GABRG1: variants seen among roughly 807,000 people sequenced by gnomAD.
The protein encoded by GABRG1 is gamma-aminobutyric acid type A receptor subunit gamma1, also known as gamma-aminobutyric acid receptor subunit gamma-1.
Under a neutral mutation model 49.8 loss-of-function variants are expected in GABRG1, and 49 were observed. The ratio of observed to expected loss-of-function variants is 0.98; its 90% CI spans 0.78 to 1.25. The LOEUF (loss-of-function observed/expected upper bound fraction) is 1.25. Among genes scored for constraint, GABRG1 ranks in the 50% most tolerant of loss-of-function variants. The probability of loss-of-function intolerance (pLI) is 0.00; values close to 1 mark genes in which losing one functional copy is unlikely to be tolerated. For synonymous variants in GABRG1, 232 were observed against 185.1 expected (o/e 1.25, Z -2.06); for missense variants, 552 against 552.3 (o/e 1.00, Z 0.01).
At position 46,123,962 on chromosome 4, in the gene GABRG1, G is replaced by T; in HGVS notation, c.-49C>A. On this transcript the variant is annotated 5_prime_UTR_variant, in exon 1 of 9. In the 5' UTR this introduces an upstream ATG that the reference lacks. Transcript: ENST00000295452. ...TGCACTAGCTCAATTCTCCCAGCCA[G>T]GACTTTTCCTCCCACCTCAGCAGCA... The T allele has an allele frequency of 7.0e-7, 1 of 1,423,036 alleles. No individual in the cohort carries two copies. The highest frequency in any genetic ancestry group is 9.9e-7 in the Non-Finnish European group (1 of 1,010,088). 88.2% of individuals were successfully genotyped at this position (1,423,036 alleles called of 1,614,324 possible). A position where few individuals can be genotyped will look rare whatever the true frequency, so the allele number is the denominator to read the frequency against.
At chr4:46,108,185 T>C (rs923487987) in intron 1 of GABRG1, among the ~76,000 whole-genome samples, 3 of 151,158 alleles carry the variant, frequency 2.0e-5, no homozygotes, top group African/African-American at 7.3e-5. Context: ...AATTTTTAGC[T>C]AGAAGGGAAC....
At chr4:46,073,922 GT>G (rs1353083393) in intron 3 of GABRG1, among the ~76,000 whole-genome samples, 2 of 152,022 alleles carry the variant, frequency 1.3e-5, no homozygotes, top group African/African-American at 4.8e-5. Flanking sequence ...TTGACCATGG[GT>G]AACTGAAACC....
At chr4:46,083,487 A>T (rs2109422614) in intron 3 of GABRG1, among the ~76,000 whole-genome samples, 1 of 151,920 alleles carries the variant, frequency 6.6e-6, no homozygotes, top group East Asian at 1.9e-4. Context: ...ATGATGGCTT[A>T]CAAGACTGTC....
intron 1 of GABRG1, among the ~76,000 whole-genome samples, chr4:46,112,005 C>T (rs1217894140): frequency 6.6e-6 from 1 of 151,300 alleles, no homozygotes; most frequent in Non-Finnish European, 1.5e-5. Flanking sequence ...CCTTATTAAA[C>T]TGAAGAGCTT....
chr4:46,085,992 AC>A (rs1218872587), intron 2 of GABRG1, among the ~76,000 whole-genome samples: 1 of 151,656 alleles, frequency 6.6e-6, no homozygotes, highest in East Asian at 1.9e-4. Context: ...TCATCAATAC[AC>A]ATGGAGATCA....
At chr4:46,051,395 T>A (rs772071539) in intron 8 of GABRG1, 29 bp downstream of exon 8, 3 of 1,513,306 alleles carry the variant, frequency 2.0e-6, no homozygotes, top group Admixed American at 4.0e-5. Flanking sequence ...TTGAGGTTTA[T>A]AAAATAGAAA....
In GABRG1 at chr4:46,039,032, T is replaced by C. The variant is rs1717651715; in HGVS notation, c.*1956A>G. On this transcript the variant is annotated 3_prime_UTR_variant, in exon 9 of 9. Coordinates refer to ENST00000295452, the MANE Select transcript of GABRG1 (RefSeq NM_173536.4). ...TGAAAGAGTCCCAAAATCAAAACTG[T>C]CTCATGATAGTAAGCTATAGCTTCA... 1 of 151,758 alleles carries C rather than the reference T, an allele frequency of 6.6e-6. No individual in the cohort carries two copies. The highest frequency in any genetic ancestry group is 1.5e-5 in the Non-Finnish European group (1 of 67,728). The allele number at this position is 151,758 out of a possible 1,614,324, so 9.4% of individuals were successfully genotyped here. A position where few individuals can be genotyped will look rare whatever the true frequency, so the allele number is the denominator to read the frequency against.
intron 2 of GABRG1, among the ~76,000 whole-genome samples, chr4:46,088,927 C>T (rs1719883055): frequency 6.6e-6 from 1 of 151,602 alleles, no homozygotes. Context: ...GCAGACTTGG[C>T]AACCTGCTCT....
At chr4:46,057,957 T>C (rs1178783832) in intron 7 of GABRG1, among the ~76,000 whole-genome samples, 2 of 152,178 alleles carry the variant, frequency 1.3e-5, no homozygotes, top group Non-Finnish European at 2.9e-5. Flanking sequence ...ATTCTTGTTA[T>C]GGATCTATGC....
chr4:46,063,299 T>C (rs1302536785), intron 5 of GABRG1, among the ~76,000 whole-genome samples: 1 of 151,896 alleles, frequency 6.6e-6, no homozygotes, highest in Admixed American at 6.6e-5. Context: ...CAAAACAGCA[T>C]GGTACTGGTA....
chr4:46,065,517 ATGG>A lies in GABRG1; in HGVS notation c.386_388del (p.Thr129del). ...ATTACTGTTAAGCATAAGCACTTTC[ATGG>A]TACTATTGAATTTTAAACGACTGTC... On this transcript the variant is annotated inframe_deletion, in exon 4 of 9. Coordinates refer to ENST00000295452, the MANE Select transcript of GABRG1 (RefSeq NM_173536.4). 4 of 1,579,558 alleles carry A rather than the reference ATGG, an allele frequency of 2.5e-6. No individual in the cohort carries two copies. Among genetic ancestry groups the A allele is most frequent in the Non-Finnish European group, 3.5e-6 (4 of 1,152,618 alleles).
At chr4:46,065,011 C>A (rs953395502) in intron 4 of GABRG1, among the ~76,000 whole-genome samples, 53 of 151,984 alleles carry the variant, frequency 3.5e-4, no homozygotes, top group African/African-American at 1.2e-3. Context: ...TTTACTACAC[C>A]ATTGAAAATT....
At chr4:46,044,493 A>G (rs1402218737) in intron 8 of GABRG1, among the ~76,000 whole-genome samples, 1 of 151,906 alleles carries the variant, frequency 6.6e-6, no homozygotes, top group African/African-American at 2.4e-5. Context: ...AAAACAGAAA[A>G]CAAATTCCAG....
intron 2 of GABRG1, among the ~76,000 whole-genome samples, chr4:46,087,102 T>C (rs1213300209): frequency 2.0e-5 from 3 of 151,660 alleles, no homozygotes; most frequent in Non-Finnish European, 3.0e-5. Flanking sequence ...GTAATATCCC[T>C]GGCTGGTTTA....
chr4:46,101,924 T>A (rs1720393721), intron 1 of GABRG1, among the ~76,000 whole-genome samples: 1 of 151,756 alleles, frequency 6.6e-6, no homozygotes, highest in Admixed American at 6.6e-5. Flanking sequence ...AACAGAATAA[T>A]GTATACACTC....
At chr4:46,066,867 T>C (rs1227307626) in intron 3 of GABRG1, among the ~76,000 whole-genome samples, 1 of 151,182 alleles carries the variant, frequency 6.6e-6, no homozygotes, top group African/African-American at 2.4e-5. Flanking sequence ...TATATATATT[T>C]ATGTGTGCGT....
At chr4:46,104,851 A>G (rs1185828303) in intron 1 of GABRG1, among the ~76,000 whole-genome samples, 1 of 151,496 alleles carries the variant, frequency 6.6e-6, no homozygotes, top group Non-Finnish European at 1.5e-5. Flanking sequence ...AGCCTTAAGT[A>G]TTAGTATTAA....
At chr4:46,115,549 G>T (rs1460426856) in intron 1 of GABRG1, among the ~76,000 whole-genome samples, 4 of 150,588 alleles carry the variant, frequency 2.7e-5, no homozygotes, top group Admixed American at 1.3e-4. Context: ...AAACTGTAAA[G>T]TAAAATTAAT....
chr4:46,073,897 A>G (rs1286322223), intron 3 of GABRG1, among the ~76,000 whole-genome samples: 1 of 152,096 alleles, frequency 6.6e-6, no homozygotes, highest in East Asian at 1.9e-4. Flanking sequence ...GTGTTCACCT[A>G]TTTTTGGATC....
Sources: gnomAD v4.1 joint callset for allele counts (sites outside exome capture counted in the v4.1 genomes callset) on GRCh38, gnomAD v4.1.1 for gene constraint, MANE v1.5 for transcripts, NCBI Gene and HGNC (gene_info 2026-07-23, HGNC 2026-07-21) for gene names.